PCDHA9: variants seen among roughly 807,000 people sequenced by gnomAD.
PCDHA9 encodes protocadherin alpha 9.
In PCDHA9, 62 loss-of-function variants were observed where a neutral mutation model predicts 62.0. The ratio of observed to expected loss-of-function variants is 1.00; its 90% CI spans 0.81 to 1.23. PCDHA9 has a LOEUF of 1.23. Ranked by LOEUF, PCDHA9 falls within the 50% of genes most tolerant of loss-of-function variation. The probability of loss-of-function intolerance (pLI) is 0.00; values close to 1 mark genes in which losing one functional copy is unlikely to be tolerated. For missense variants in PCDHA9, 1,205 were observed against 1,249.8 expected (o/e 0.96, Z 0.54); for synonymous variants, 557 against 567.6 (o/e 0.98, Z 0.27).
chr5:140,996,524 C>A (rs1303736536), intron 3 of PCDHA9, among the ~76,000 whole-genome samples: 3 of 152,048 alleles, frequency 2.0e-5, no homozygotes, highest in African/African-American at 7.2e-5. Flanking sequence ...TTAGAAAGGC[C>A]CTGTGTGTTT....
Position 140,982,524 on chromosome 5 carries a change from C to T in PCDHA9, c.2503C>T (p.Pro835Ser). ...CATTCTACGGGCTGGTCCAGGAGGG[C>T]CTGATCAGCAGTGGCCAACAGTATC... ...AGILRAGPGG[P>S]DQQWPTVSSA... Residue 835 changes from proline to serine, a missense_variant, in exon 3 of 4, where the codon CCT (proline) becomes TCT (serine). This residue lies in a region of PCDHA9 where 887 missense variants were observed against 809.5 expected (regional missense o/e 1.10). Transcript: ENST00000532602. The T allele has an allele frequency of 6.2e-7, 1 of 1,614,170 alleles. No homozygotes were observed. Among genetic ancestry groups the T allele is most frequent in the Non-Finnish European group, 8.5e-7 (1 of 1,180,030 alleles).
chr5:140,897,540 A>C (rs1554187435), intron 1 of PCDHA9, among the ~76,000 whole-genome samples: 1 of 152,052 alleles, frequency 6.6e-6, no homozygotes, highest in Non-Finnish European at 1.5e-5. Flanking sequence ...ATGGCTGCAT[A>C]GTCTTCCATG....
rs59860837 is a variant in PCDHA9 at position 141,005,701 on chromosome 5, C to CAAAAA, written c.2543-3900_2543-3896dup. 5.2e-3 allele frequency among the ~76,000 whole-genome samples: 40 copies of CAAAAA among 7,764 alleles called. 2 individuals are homozygous for CAAAAA. Among genetic ancestry groups the CAAAAA allele is most frequent in the East Asian group, 0.013 (4 of 312 alleles). The allele number at this position is 7,764 out of a possible 152,430, so 5.1% of individuals were successfully genotyped here. On this transcript the variant is annotated intron_variant, in intron 3 of 3. Coordinates refer to ENST00000532602, the MANE Select transcript of PCDHA9 (RefSeq NM_031857.2). ...TGGGCGACAGAGCGAAACTCCGTCT[C>CAAAAA]AAAAAAAAAAAAAAAAAAAAAAAAA...
At chr5:140,985,532 G>T (rs1358120172) in intron 3 of PCDHA9, among the ~76,000 whole-genome samples, 1 of 152,072 alleles carries the variant, frequency 6.6e-6, no homozygotes, top group Non-Finnish European at 1.5e-5. Context: ...AAAGCTTCAC[G>T]GTGAAGATGC....
Position 140,882,982 on chromosome 5 carries a change from C to T in PCDHA9, c.2394+32093C>T, listed in dbSNP as rs139888237. 2.9e-5 allele frequency: 47 copies of T among 1,614,148 alleles called. No individual in the cohort carries two copies. The East Asian group carries it at 3.6e-4, about 12-fold the overall frequency. On this transcript the variant is annotated intron_variant, in intron 1 of 3. Coordinates refer to ENST00000532602, the MANE Select transcript of PCDHA9 (RefSeq NM_031857.2). The stretch of plus-strand genomic sequence containing the variant: ...TCACGATTCTGGACGTGAATGACAA[C>T]GCCCCGGAATTTTACCAATCCGTTT...
At chr5:140,856,906 C>A (rs2044264701) in intron 1 of PCDHA9, 5 of 1,596,020 alleles carry the variant, frequency 3.1e-6, no homozygotes, top group Non-Finnish European at 2.6e-6. Flanking sequence ...TGGTCCCACC[C>A]ACGATAAGAA....
chr5:141,007,377 A>C (rs13186204), intron 3 of PCDHA9, among the ~76,000 whole-genome samples: 7,611 of 136,554 alleles, frequency 0.056, 239 homozygotes, highest in South Asian at 0.11. Flanking sequence ...ATGATGGAAC[A>C]CCATCTCTAC....
Position 140,858,211 on chromosome 5 carries a change from C to T in PCDHA9, c.2394+7322C>T, listed in dbSNP as rs368039385. On this transcript the variant is annotated intron_variant, in intron 1 of 3. Transcript: ENST00000532602. ...TGCTGCTGTACACTGCACTGAGGTG[C>T]TCGGCGGCGCCCACCGAGGGCGCAT... 10 of 1,594,094 alleles carry T rather than the reference C, an allele frequency of 6.3e-6. 2 individuals are homozygous for T. Among genetic ancestry groups the T allele is most frequent in the Non-Finnish European group, 8.6e-6 (10 of 1,165,544 alleles).
At chr5:140,913,523 T>G (rs2076374733) in intron 1 of PCDHA9, among the ~76,000 whole-genome samples, 2 of 152,156 alleles carry the variant, frequency 1.3e-5, no homozygotes, top group Admixed American at 6.5e-5. Context: ...TATTTATCTT[T>G]TCAAAAGATT....
chr5:140,945,659 G>C (rs2093824580), intron 1 of PCDHA9, among the ~76,000 whole-genome samples: 1 of 152,090 alleles, frequency 6.6e-6, no homozygotes, highest in Non-Finnish European at 1.5e-5. Context: ...GCAGAATACA[G>C]CTCCCAGAAA....
chr5:140,979,006 A>G lies in PCDHA9; in HGVS notation c.2452A>G (p.Ser818Gly), dbSNP rs149397164. ...TGCCTCCCTGAGAGCAGGCATGCAC[A>G]GGTATGTATTTCCCTCCTCATTCAC... ...YSASLRAGMH[S>G]SVHLEEAGIL... Residue 818 changes from serine (S) to glycine (G), a missense_variant and splice_region_variant, in exon 2 of 4, where the codon AGC becomes GGC. Ser to Gly is a moderately conservative substitution (Grantham distance 56). This residue lies in a region of PCDHA9 where 887 missense variants were observed against 809.5 expected (regional missense o/e 1.10). Coordinates refer to ENST00000532602, the MANE Select transcript of PCDHA9 (RefSeq NM_031857.2). The G allele has an allele frequency of 4.3e-6, 7 of 1,614,000 alleles. No individual in the cohort carries two copies. The highest frequency in any genetic ancestry group is 5.1e-6 in the Non-Finnish European group (6 of 1,179,938).
chr5:140,967,073 G>T, intron 1 of PCDHA9: 1 of 1,613,160 alleles, frequency 6.2e-7, no homozygotes, highest in Non-Finnish European at 8.5e-7. Flanking sequence ...CTTCGTCAAC[G>T]AGCGCATTGA....
At chr5:140,878,400 A>C (rs1190004888) in intron 1 of PCDHA9, among the ~76,000 whole-genome samples, 2 of 152,218 alleles carry the variant, frequency 1.3e-5, no homozygotes, top group Non-Finnish European at 2.9e-5. Flanking sequence ...TGCTCACAAA[A>C]TATCTTCTTT....
intron 1 of PCDHA9, among the ~76,000 whole-genome samples, chr5:140,954,765 C>T (rs1305270750): frequency 6.6e-6 from 1 of 152,064 alleles, no homozygotes; most frequent in Non-Finnish European, 1.5e-5. Context: ...TGCAGAAGCT[C>T]TTTAATTTAA....
intron 1 of PCDHA9, chr5:140,927,568 A>G: frequency 1.9e-6 from 3 of 1,614,174 alleles, no homozygotes; most frequent in Non-Finnish European, 2.5e-6. Context: ...TGTGGTGGAC[A>G]CAAATGACAA....
chr5:140,871,271 C>T (rs1369255733), intron 1 of PCDHA9: 1 of 1,613,830 alleles, frequency 6.2e-7, no homozygotes, highest in African/African-American at 1.3e-5. Context: ...CTGTGGTGGT[C>T]GGCAACGCCC....
At chr5:140,987,275 CTA>C (rs1554249023) in intron 3 of PCDHA9, among the ~76,000 whole-genome samples, 1 of 151,726 alleles carries the variant, frequency 6.6e-6, no homozygotes, top group Non-Finnish European at 1.5e-5. Context: ...ACCCGGCAGT[CTA>C]TGTTTTAACA....
At chr5:140,959,583 A>G (rs529440681) in intron 1 of PCDHA9, among the ~76,000 whole-genome samples, 10 of 152,332 alleles carry the variant, frequency 6.6e-5, no homozygotes, top group Admixed American at 1.3e-4. Flanking sequence ...TTTCAATTCT[A>G]TCAGCCAAGT....
intron 1 of PCDHA9, among the ~76,000 whole-genome samples, chr5:140,898,629 C>T (rs2066883647): frequency 1.3e-5 from 2 of 152,194 alleles, no homozygotes; most frequent in Admixed American, 1.3e-4. Context: ...AGCATAATGC[C>T]TCCAGCTTTG....
Sources: gnomAD v4.1 joint callset for allele counts (sites outside exome capture counted in the v4.1 genomes callset) on GRCh38, gnomAD v4.1.1 for gene constraint, gnomAD v4.1.1 regional missense constraint, MANE v1.5 for transcripts, NCBI Gene and HGNC (gene_info 2026-07-23, HGNC 2026-07-21) for gene names.